The following MAP3K10 variants were observed in gnomAD, a reference collection of about 807,000 sequenced individuals.
MAP3K10 encodes mitogen-activated protein kinase kinase kinase 10, also known as MKN28 derived nonreceptor_type serine/threonine kinase.
Under a neutral mutation model 75.0 loss-of-function variants are expected in MAP3K10, and 22 were observed. The ratio of observed to expected loss-of-function variants is 0.29; its 90% CI spans 0.21 to 0.42. MAP3K10 has a LOEUF of 0.42. Ranked by LOEUF, MAP3K10 falls within the 10% of genes least tolerant of loss-of-function variation. The pLI, the probability that MAP3K10 is intolerant of heterozygous loss-of-function variation, is 1.00. For missense variants in MAP3K10, 1,165 were observed against 1,379.8 expected, an observed-to-expected ratio of 0.84 and a Z score of 2.47; for synonymous variants, 599 against 612.9, an observed-to-expected ratio of 0.98 and a Z score of 0.34.
Position 40,214,002 on chromosome 19 carries a change from T to TGCCCCCCCCCCCCCCCCCCCCCCCCCCCC in MAP3K10, c.2323_2324insGCCCCCCCCCCCCCCCCCCCCCCCCCCCC (p.Ser775CysfsTer57). ...TGACGAGGCCGCACCGGCCGCGCCC[T>TGCCCCCCCCCCCCCCCCCCCCCCCCCCCC]CCCCACCACCCTCCCCGCCCGCGCC... is the stretch of plus-strand genomic sequence containing the variant. On this transcript the variant is annotated frameshift_variant, in exon 9 of 10. Coordinates refer to ENST00000253055, the MANE Select transcript of MAP3K10 (RefSeq NM_002446.4). LOFTEE classifies it high-confidence loss of function. The TGCCCCCCCCCCCCCCCCCCCCCCCCCCCC allele has an allele frequency of 6.7e-7, 1 of 1,493,670 alleles. No homozygotes were observed. 92.5% of individuals were successfully genotyped at this position (1,493,670 alleles called of 1,614,324 possible).
In MAP3K10 at chr19:40,213,221, G is replaced by T; in HGVS notation, c.1837+33G>T. On this transcript the variant is annotated intron_variant, in intron 8 of 9. Coordinates refer to ENST00000253055, the MANE Select transcript of MAP3K10 (RefSeq NM_002446.4). The surrounding 1 kb of genome is among the most constrained non-coding windows in gnomAD (Gnocchi z 5.7). The stretch of plus-strand genomic sequence containing the variant: ...CCTGGGTTCTTGTAAGGGGGTGGGG[G>T]TTCCCTGGCCAAAGGGGTGAGCCTC... 1 of 1,530,050 alleles carries T rather than the reference G, an allele frequency of 6.5e-7. No homozygotes were observed. Among genetic ancestry groups the T allele is most frequent in the South Asian group, 1.2e-5 (1 of 81,128 alleles). 94.8% of individuals were successfully genotyped at this position (1,530,050 alleles called of 1,614,324 possible). A position where few individuals can be genotyped will look rare whatever the true frequency, so the allele number is the denominator to read the frequency against.
intron 2 of MAP3K10, among the ~76,000 whole-genome samples, chr19:40,201,061 T>A (rs532316785): frequency 4.8e-4 from 73 of 152,078 alleles, no homozygotes; most frequent in African/African-American, 1.7e-3. Flanking sequence ...GAGAGAGGGG[T>A]GGATCATGCT....
chr19:40,214,651 G>T (rs1973316820), intron 9 of MAP3K10, among the ~76,000 whole-genome samples: 1 of 152,164 alleles, frequency 6.6e-6, no homozygotes, highest in Non-Finnish European at 1.5e-5. Context: ...CCCCTTCAGA[G>T]CTAAGCCATG....
rs994613955 is a variant in MAP3K10 at position 40,212,907 on chromosome 19, G to T, written c.1655G>T (p.Gly552Val). The T allele has an allele frequency of 6.2e-7, 1 of 1,613,430 alleles. No homozygotes were observed. Among genetic ancestry groups the T allele is most frequent in the East Asian group, 2.2e-5 (1 of 44,886 alleles). The part of the protein sequence containing the change: ...GPPKKEELVG[G>V]KKKGRTWGPS... ...CCAAAGAAGGAAGAACTGGTCGGGGGCAAGAAGAAGGGACGAACGTGGGGG... is the reference window on the plus strand; with the variant it reads ...CCAAAGAAGGAAGAACTGGTCGGGGTCAAGAAGAAGGGACGAACGTGGGGG... Residue 552 changes from glycine to valine, a missense_variant, in exon 7 of 10, where the codon GGC becomes GTC. Transcript: ENST00000253055. This position sits in a 1 kb window ranked among gnomAD's most constrained non-coding sequence, Gnocchi z 4.2.
chr19:40,207,174 A>G (rs1001396478), intron 5 of MAP3K10, among the ~76,000 whole-genome samples: 1 of 152,192 alleles, frequency 6.6e-6, no homozygotes, highest in East Asian at 1.9e-4. Flanking sequence ...GAAGTTTCAC[A>G]TGGATCAACC....
intron 6 of MAP3K10, among the ~76,000 whole-genome samples, chr19:40,209,714 G>A (rs1015413491): frequency 1.3e-5 from 2 of 152,012 alleles, no homozygotes; most frequent in African/African-American, 2.4e-5. Context: ...GCGCCCGGGC[G>A]CAGGATAATT....
chr19:40,205,895 C>T lies in MAP3K10; in HGVS notation c.1189-16C>T, dbSNP rs776429838. On this transcript the variant is annotated splice_polypyrimidine_tract_variant and intron_variant, in intron 4 of 9. Coordinates refer to ENST00000253055, the MANE Select transcript of MAP3K10 (RefSeq NM_002446.4). The surrounding 1 kb of genome is among the most constrained non-coding windows in gnomAD (Gnocchi z 4.3). The stretch of plus-strand genomic sequence containing the variant: ...CAGCTAAGCCCCTCCCCCCAGCCAC[C>T]GCCTCTCCTTCCCAGGAGCTTCGGA... The T allele has an allele frequency of 1.4e-5, 22 of 1,518,666 alleles. No individual in the cohort carries two copies. The highest frequency in any genetic ancestry group is 6.3e-5 in the Admixed American group (3 of 47,326). 94.1% of individuals were successfully genotyped at this position (1,518,666 alleles called of 1,614,324 possible).
intron 1 of MAP3K10, among the ~76,000 whole-genome samples, chr19:40,196,723 T>C (rs1972914503): frequency 6.6e-6 from 1 of 152,184 alleles, no homozygotes; most frequent in South Asian, 2.1e-4. Context: ...TTCACTATGT[T>C]GGCCAGGCTG....
In MAP3K10 at chr19:40,192,349, G is replaced by C. The variant is rs1444485103; in HGVS notation, c.318G>C (p.Val106=). The C allele has an allele frequency of 1.2e-6, 2 of 1,613,192 alleles. No individual in the cohort carries two copies. Among genetic ancestry groups the C allele is most frequent in the African/African-American group, 1.3e-5 (1 of 74,920 alleles). Reference sequence around the variant, plus strand: ...TGCAGCTAGAGGAGATCATCGGTGTGGGGGGCTTTGGCAAGGTCTATCGGG... The same window carrying C: ...TGCAGCTAGAGGAGATCATCGGTGTCGGGGGCTTTGGCAAGGTCTATCGGG... The part of the protein sequence containing the change: ...HELQLEEIIG[V]GGFGKVYRAL... The change falls in exon 1 of 10, where the codon GTG becomes GTC. Residue 106 remains valine (V), a synonymous_variant. Transcript: ENST00000253055. The surrounding 1 kb of genome is among the most constrained non-coding windows in gnomAD (Gnocchi z 7.1).
Position 40,192,448 on chromosome 19 carries a change from G to C in MAP3K10, c.417G>C (p.Ala139=). The change falls in exon 1 of 10, where the codon GCG becomes GCC. Residue 139 remains alanine (A), a synonymous_variant. Coordinates refer to ENST00000253055, the MANE Select transcript of MAP3K10 (RefSeq NM_002446.4). This position sits in a 1 kb window ranked among gnomAD's most constrained non-coding sequence, Gnocchi z 7.1. ...LDPEKDPAVT[A]EQVCQEARLF... is the part of the protein sequence containing the mutation. ...CTGAGAAGGACCCGGCAGTGACAGC[G>C]GAGCAGGTGTGCCAGGAAGCCCGGC... 1 of 1,614,054 alleles carries C rather than the reference G, an allele frequency of 6.2e-7. No individual in the cohort carries two copies. Among genetic ancestry groups the C allele is most frequent in the Non-Finnish European group, 8.5e-7 (1 of 1,179,994 alleles).
Position 40,212,477 on chromosome 19 carries a change from G to A in MAP3K10, c.1553-328G>A, listed in dbSNP as rs1973258124. ...GAGATGAAGGCAGCTGACCCCCAGG[G>A]AACTAACTACCCAGAGCTGGAGACC... On this transcript the variant is annotated intron_variant, in intron 6 of 9. Coordinates refer to ENST00000253055, the MANE Select transcript of MAP3K10 (RefSeq NM_002446.4). This position sits in a 1 kb window ranked among gnomAD's most constrained non-coding sequence, Gnocchi z 4.2. Among the ~76,000 whole-genome samples, 1 of 152,192 alleles carries A rather than the reference G, an allele frequency of 6.6e-6. No homozygotes were observed. The highest frequency in any genetic ancestry group is 6.5e-5 in the Admixed American group (1 of 15,278).
chr19:40,207,961 C>T (rs760111268), intron 5 of MAP3K10, among the ~76,000 whole-genome samples: 11 of 151,926 alleles, frequency 7.2e-5, no homozygotes, highest in Non-Finnish European at 1.0e-4. Flanking sequence ...CTCCTGCGCT[C>T]AGGCAGCGCT....
chr19:40,198,690 C>A lies in MAP3K10; in HGVS notation c.863+135C>A. On this transcript the variant is annotated intron_variant, in intron 2 of 9. Coordinates refer to ENST00000253055, the MANE Select transcript of MAP3K10 (RefSeq NM_002446.4). This position sits in a 1 kb window ranked among gnomAD's most constrained non-coding sequence, Gnocchi z 4.3. The stretch of plus-strand genomic sequence containing the variant: ...AAAGGGACCTGCTGGCAAGGTCAGG[C>A]CACCAGACAAGTGCCAGTTACCTGT... The A allele has an allele frequency of 2.3e-6, 2 of 869,338 alleles. No homozygotes were observed. The highest frequency in any genetic ancestry group is 3.5e-6 in the Non-Finnish European group (2 of 578,522). The allele number at this position is 869,338 out of a possible 1,614,324, so 53.9% of individuals were successfully genotyped here.
Position 40,191,984 on chromosome 19 carries a change from C to T in MAP3K10, c.-48C>T. 2 of 1,290,584 alleles carry T rather than the reference C, an allele frequency of 1.5e-6. No individual in the cohort carries two copies. Among genetic ancestry groups the T allele is most frequent in the East Asian group, 2.9e-5 (1 of 34,710 alleles). 79.9% of individuals were successfully genotyped at this position (1,290,584 alleles called of 1,614,324 possible). ...GCCGGGGCCCGCCCTCTGCATCCCG[C>T]GGGCAGCCTGTGTGAAGCGGCCTCC... On this transcript the variant is annotated 5_prime_UTR_variant, in exon 1 of 10. Coordinates refer to ENST00000253055, the MANE Select transcript of MAP3K10 (RefSeq NM_002446.4).
rs1173306337 is a variant in MAP3K10 at position 40,215,192 on chromosome 19, C to T, written c.2765C>T (p.Pro922Leu). The stretch of plus-strand genomic sequence containing the variant: ...AGCAGGCCAGACACTCCGGAGAGCC[C>T]TGGGCCCCCCAGCGTGCAGCCCACA... ...PPSRPDTPES[P>L]GPPSVQPTLL... Residue 922 changes from proline (P) to leucine (L), a missense_variant, in exon 10 of 10, where the codon CCT becomes CTT. Coordinates refer to ENST00000253055, the MANE Select transcript of MAP3K10 (RefSeq NM_002446.4). 6.3e-7 allele frequency: 1 copy of T among 1,589,670 alleles called. No homozygotes were observed.
intron 2 of MAP3K10, among the ~76,000 whole-genome samples, chr19:40,200,612 C>CTTTTT (rs71171548): frequency 1.6e-4 from 13 of 79,948 alleles, no homozygotes; most frequent in Admixed American, 3.5e-4. Context: ...TTTGTGCTAC[C>CTTTTT]TTTTTTTTTT....
Position 40,213,501 on chromosome 19 carries a change from C to T in MAP3K10, c.1838-16C>T, listed in dbSNP as rs765369977. On this transcript the variant is annotated splice_polypyrimidine_tract_variant and intron_variant, in intron 8 of 9. Transcript: ENST00000253055. The surrounding 1 kb of genome is among the most constrained non-coding windows in gnomAD (Gnocchi z 5.7). ...GGCCAGCCCTGCAGCGGAGTGATGGCCCTCTCCGGTTGCAGAGGAGTTCGC... is the reference window on the plus strand; with the variant it reads ...GGCCAGCCCTGCAGCGGAGTGATGGTCCTCTCCGGTTGCAGAGGAGTTCGC... The T allele has an allele frequency of 8.1e-6, 13 of 1,609,990 alleles. No individual in the cohort carries two copies. The highest frequency in any genetic ancestry group is 1.7e-4 in the Middle Eastern group (1 of 6,046).
intron 1 of MAP3K10, among the ~76,000 whole-genome samples, chr19:40,195,604 C>G (rs1224372036): frequency 6.8e-6 from 1 of 147,610 alleles, no homozygotes; most frequent in Non-Finnish European, 1.5e-5. Flanking sequence ...AGTGATCCTT[C>G]CACCTCAACT....
Position 40,192,046 on chromosome 19 carries a change from G to A in MAP3K10, c.15G>A (p.Glu5=). ...GCCCCTCCCCCATGGAGGAGGAGGA[G>A]GGGGCGGTGGCCAAGGAGTGGGGCA... The part of the protein sequence containing the change: MEEE[E]GAVAKEWGTT... Residue 5 remains glutamate (E), a synonymous_variant, in exon 1 of 10, where the codon GAG becomes GAA. Transcript: ENST00000253055. The surrounding 1 kb of genome is among the most constrained non-coding windows in gnomAD (Gnocchi z 7.1). 6.9e-7 allele frequency: 1 copy of A among 1,443,032 alleles called. No individual in the cohort carries two copies. The highest frequency in any genetic ancestry group is 9.1e-7 in the Non-Finnish European group (1 of 1,100,290). The allele number at this position is 1,443,032 out of a possible 1,614,324, so 89.4% of individuals were successfully genotyped here.
Sources: gnomAD v4.1 joint callset for allele counts (sites outside exome capture counted in the v4.1 genomes callset) on GRCh38, gnomAD v4.1.1 for gene constraint, Gnocchi (gnomAD v3.1) non-coding constraint, MANE v1.5 for transcripts, NCBI Gene and HGNC (gene_info 2026-07-23, HGNC 2026-07-21) for gene names.